EXOC4: variants seen among roughly 807,000 people sequenced by gnomAD.
EXOC4 encodes the protein SEC8-like 1.
A neutral mutation model predicts 107.2 loss-of-function variants in EXOC4; 71 were observed. The ratio of observed to expected loss-of-function variants is 0.66; its 90% CI spans 0.55 to 0.81. The LOEUF (loss-of-function observed/expected upper bound fraction) is 0.81, where lower values mean the gene tolerates loss of function less well. Among genes scored for constraint, EXOC4 ranks in the 30% least tolerant of loss-of-function variants. EXOC4 has a pLI of 0.00. For synonymous variants in EXOC4, 456 were observed against 441.2 expected, an observed-to-expected ratio of 1.03 and a Z score of -0.42; for missense variants, 1,108 against 1,189.6, an observed-to-expected ratio of 0.93 and a Z score of 1.01.
intron 10 of EXOC4, among the ~76,000 whole-genome samples, chr7:133,714,307 TGACG>T (rs1443869830): frequency 6.6e-6 from 1 of 152,184 alleles, no homozygotes; most frequent in Non-Finnish European, 1.5e-5. Context: ...GAAAGCCTAC[TGACG>T]GAGAGGTCAC....
intron 7 of EXOC4, chr7:133,447,384 C>CT (rs1230526889): frequency 6.6e-6 from 1 of 152,054 alleles, no homozygotes; most frequent in East Asian, 1.9e-4. Context: ...GTGCTCCACT[C>CT]TGTTTTTGTA....
chr7:133,764,020 C>A (rs1254840926), intron 10 of EXOC4, among the ~76,000 whole-genome samples: 1 of 152,058 alleles, frequency 6.6e-6, no homozygotes, highest in African/African-American at 2.4e-5. Flanking sequence ...CAGTAGAATT[C>A]TTTAACCTTG....
chr7:134,069,439 TCTC>T (rs1414910928), downstream of EXOC4, among the ~76,000 whole-genome samples: 1 of 148,132 alleles, frequency 6.8e-6, no homozygotes. Context: ...TCCTCCTCCT[TCTC>T]CTGCTCCTCC....
At chr7:133,941,409 A>G (rs1800425311) in intron 14 of EXOC4, among the ~76,000 whole-genome samples, 1 of 152,206 alleles carries the variant, frequency 6.6e-6, no homozygotes. Context: ...AAAAAGTTCT[A>G]CATTTTAGTT....
At chr7:134,008,042 A>T (rs1014144992) in intron 17 of EXOC4, 1 of 497,676 alleles carries the variant, frequency 2.0e-6, no homozygotes, top group African/African-American at 1.9e-5. Context: ...GTTTTTCCTG[A>T]TGTCTAACCC....
intron 9 of EXOC4, among the ~76,000 whole-genome samples, chr7:133,612,528 T>C (rs1295997923): frequency 6.6e-6 from 1 of 152,146 alleles, no homozygotes; most frequent in African/African-American, 2.4e-5. Context: ...TTTAAGGAGT[T>C]TGGCTTTTAC....
Position 133,436,714 on chromosome 7 carries a change from G to A in EXOC4, c.1183-38614G>A, listed in dbSNP as rs1414496187. On this transcript the variant is annotated intron_variant, in intron 7 of 17. Transcript: ENST00000253861. ...TTTCAATTTGATTTAATCAGTGTATGGTTATTAATGTGCACTATATGGAAT... is the reference window on the plus strand; with the variant it reads ...TTTCAATTTGATTTAATCAGTGTATAGTTATTAATGTGCACTATATGGAAT... 2.6e-5 allele frequency among the ~76,000 whole-genome samples: 4 copies of A among 152,196 alleles called. No individual in the cohort carries two copies. In the East Asian group the frequency reaches 7.7e-4, roughly 29 times the overall value.
intron 10 of EXOC4, among the ~76,000 whole-genome samples, chr7:133,795,473 C>T (rs368278988): frequency 3.3e-5 from 5 of 152,108 alleles, no homozygotes; most frequent in East Asian, 3.8e-4. Flanking sequence ...GCAAATCATG[C>T]CAGCATCCCA....
At chr7:133,587,893 A>G (rs890320663) in intron 9 of EXOC4, among the ~76,000 whole-genome samples, 3 of 152,236 alleles carry the variant, frequency 2.0e-5, no homozygotes, top group African/African-American at 7.2e-5. Flanking sequence ...ACCAAACACT[A>G]CACTTTGATT....
chr7:133,589,160 C>T (rs1273959002), intron 9 of EXOC4, among the ~76,000 whole-genome samples: 1 of 152,114 alleles, frequency 6.6e-6, no homozygotes, highest in East Asian at 1.9e-4. Context: ...GGAACCTAAC[C>T]GTGTCAGTGC....
chr7:133,880,399 G>A (rs1015857798), intron 11 of EXOC4, among the ~76,000 whole-genome samples: 11 of 152,046 alleles, frequency 7.2e-5, no homozygotes, highest in African/African-American at 2.7e-4. Flanking sequence ...AGTGTGCATG[G>A]GTATGTGTTG....
chr7:133,598,992 A>AAATT (rs71162008), intron 9 of EXOC4, among the ~76,000 whole-genome samples: 48 of 152,120 alleles, frequency 3.2e-4, no homozygotes, highest in South Asian at 6.2e-4. Context: ...TCCAATAACT[A>AAATT]AATTAATTAA....
At chr7:133,381,749 T>TA (rs1796623956) in intron 7 of EXOC4, among the ~76,000 whole-genome samples, 1 of 152,194 alleles carries the variant, frequency 6.6e-6, no homozygotes, top group African/African-American at 2.4e-5. Context: ...AGCTCCATCT[T>TA]ACACCTTATG....
Position 133,253,080 on chromosome 7 carries a change from A to G in EXOC4, c.-22A>G, listed in dbSNP as rs761724376. ...CGCACCCTTGGCTTCCTTGGAGCCT[A>G]GCGGCTCTCCCCGCGTCCAAGATGG... On this transcript the variant is annotated 5_prime_UTR_variant, in exon 1 of 18. Coordinates refer to ENST00000253861, the MANE Select transcript of EXOC4 (RefSeq NM_021807.4). 3.1e-5 allele frequency: 50 copies of G among 1,612,176 alleles called. No individual in the cohort carries two copies. The highest frequency in any genetic ancestry group is 1.5e-4 in the Admixed American group (9 of 59,980).
At chr7:133,962,314 G>A (rs1247593322) in intron 14 of EXOC4, among the ~76,000 whole-genome samples, 1 of 152,184 alleles carries the variant, frequency 6.6e-6, no homozygotes, top group Non-Finnish European at 1.5e-5. Flanking sequence ...TGTTAGTGTA[G>A]TTTAATTTCC....
intron 6 of EXOC4, among the ~76,000 whole-genome samples, chr7:133,366,699 C>T (rs1796256000): frequency 6.6e-6 from 1 of 152,198 alleles, no homozygotes; most frequent in African/African-American, 2.4e-5. Context: ...TCCCATTTTG[C>T]TGGAGCCCAC....
At chr7:133,597,283 G>T (rs1041207013) in intron 9 of EXOC4, among the ~76,000 whole-genome samples, 5 of 152,192 alleles carry the variant, frequency 3.3e-5, no homozygotes, top group Non-Finnish European at 1.5e-5. Context: ...GCTGGGCGTG[G>T]TGTCTCACGC....
chr7:133,365,986 T>C (rs1796242434), intron 6 of EXOC4, among the ~76,000 whole-genome samples: 1 of 152,222 alleles, frequency 6.6e-6, no homozygotes, highest in South Asian at 2.1e-4. Flanking sequence ...AGCATAACCC[T>C]GATATTAAAG....
chr7:133,889,345 TG>T (rs1466727725), intron 11 of EXOC4, among the ~76,000 whole-genome samples: 3 of 151,754 alleles, frequency 2.0e-5, no homozygotes, highest in African/African-American at 7.2e-5. Flanking sequence ...GATACTTATT[TG>T]GTTGTTGTTT....
Sources: gnomAD v4.1 joint callset for allele counts (sites outside exome capture counted in the v4.1 genomes callset) on GRCh38, gnomAD v4.1.1 for gene constraint, MANE v1.5 for transcripts, NCBI Gene and HGNC (gene_info 2026-07-23, HGNC 2026-07-21) for gene names.